COPRS: variants seen among roughly 807,000 people sequenced by gnomAD.
COPRS encodes the protein coordinator of PRMT5 and differentiation stimulator, also known as cooperator of PRMT5.
COPRS carries 11 observed loss-of-function variants against 19.9 expected under a neutral mutation model. The ratio of observed to expected loss-of-function variants is 0.55; its 90% CI spans 0.35 to 0.92. The LOEUF is 0.92. Ranked by LOEUF, COPRS falls within the 40% of genes least tolerant of loss-of-function variation. The pLI is 0.01. For missense variants in COPRS, 225 were observed against 229.9 expected (o/e 0.98, Z 0.14); for synonymous variants, 81 against 82.7 (o/e 0.98, Z 0.11).
Position 31,851,996 on chromosome 17 carries a change from C to G in COPRS, c.*143G>C. On this transcript the variant is annotated 3_prime_UTR_variant, in exon 4 of 4. Transcript: ENST00000302362. ...GAGAATGACGGGGCCTTATTGAACACTGTCAATAAGGAACACTGGTCTGTG... is the reference window on the plus strand; with the variant it reads ...GAGAATGACGGGGCCTTATTGAACAGTGTCAATAAGGAACACTGGTCTGTG... 1.2e-6 allele frequency: 1 copy of G among 854,502 alleles called. No homozygotes were observed. Among genetic ancestry groups the G allele is most frequent in the Non-Finnish European group, 1.8e-6 (1 of 550,952 alleles). 52.9% of individuals were successfully genotyped at this position (854,502 alleles called of 1,614,324 possible).
chr17:31,852,364 T>A, intron 3 of COPRS, 56 bp from the exon 4 acceptor site: 1 of 1,421,004 alleles, frequency 7.0e-7, no homozygotes, highest in African/African-American at 1.4e-5. Flanking sequence ...GGAAGGAAGG[T>A]AAAAACGGAC....
chr17:31,855,157 C>T (rs1909295231), intron 2 of COPRS, among the ~76,000 whole-genome samples: 1 of 151,830 alleles, frequency 6.6e-6, no homozygotes, highest in African/African-American at 2.4e-5. Context: ...GGGCGGATCA[C>T]CTGAGGTCAG....
chr17:31,856,270 G>C (rs924399225), intron 2 of COPRS, among the ~76,000 whole-genome samples: 1 of 152,152 alleles, frequency 6.6e-6, no homozygotes, highest in East Asian at 1.9e-4. Flanking sequence ...GGGAAGCGGA[G>C]GTTGCGGTGA....
At chr17:31,858,889 C>A in intron 1 of COPRS, 2 of 1,527,374 alleles carry the variant, frequency 1.3e-6, no homozygotes, top group Non-Finnish European at 1.8e-6. Context: ...CCCACCCACG[C>A]CCTCGGCTTT....
rs920300011 is a variant in COPRS, at chr17:31,858,777, C to G, written c.99+324G>C. The G allele has an allele frequency of 7.7e-6, 12 of 1,550,478 alleles. No homozygotes were observed. In the Admixed American group the frequency reaches 7.8e-5, roughly 10 times the overall value. The stretch of plus-strand genomic sequence containing the variant: ...CCTCACCTGGCCCTCGCCCAGGCTC[C>G]TGGCAGCGGGCCCCGGCTCTCGGTC... On this transcript the variant is annotated intron_variant, in intron 1 of 3. Coordinates refer to ENST00000302362, the MANE Select transcript of COPRS (RefSeq NM_018405.4).
At position 31,852,024 on chromosome 17, in the gene COPRS, C is replaced by A; in HGVS notation, c.*115G>T. Reference sequence around the variant, plus strand: ...TCAATAAGGAACACTGGTCTGTGTACCCCAGACTAGGGGTCACTGCAAACA... The same window carrying A: ...TCAATAAGGAACACTGGTCTGTGTAACCCAGACTAGGGGTCACTGCAAACA... On this transcript the variant is annotated 3_prime_UTR_variant, in exon 4 of 4. Coordinates refer to ENST00000302362, the MANE Select transcript of COPRS (RefSeq NM_018405.4). 1 of 1,198,292 alleles carries A rather than the reference C, an allele frequency of 8.3e-7. No homozygotes were observed. Among genetic ancestry groups the A allele is most frequent in the Non-Finnish European group, 1.2e-6 (1 of 829,876 alleles). The allele number at this position is 1,198,292 out of a possible 1,614,324, so 74.2% of individuals were successfully genotyped here.
At chr17:31,854,905 G>GGTT (rs1392322230) in intron 2 of COPRS, among the ~76,000 whole-genome samples, 1 of 152,174 alleles carries the variant, frequency 6.6e-6, no homozygotes, top group Non-Finnish European at 1.5e-5. Flanking sequence ...TAGTGGTGAT[G>GGTT]GTTGCACAAC....
Position 31,852,863 on chromosome 17 carries a change from A to C in COPRS, c.334T>G (p.Phe112Val). ...CPPKEQPGDL[F>V]NEDWDSELKA... ...AACTCCGAGTCCCAGTCCTCATTAAAAAGATCGCCAGGCTGTTCCTTGGGT... is the reference window on the plus strand; with the variant it reads ...AACTCCGAGTCCCAGTCCTCATTAACAAGATCGCCAGGCTGTTCCTTGGGT... Residue 112 changes from phenylalanine to valine, a missense_variant, in exon 3 of 4, where the codon TTT becomes GTT. By Grantham distance (50) the Phe-to-Val change is conservative. Transcript: ENST00000302362. 6.2e-7 allele frequency: 1 copy of C among 1,614,206 alleles called. No individual in the cohort carries two copies. The highest frequency in any genetic ancestry group is 8.5e-7 in the Non-Finnish European group (1 of 1,180,036).
intron 2 of COPRS, chr17:31,856,572 A>T (rs1357835847): frequency 1.7e-6 from 1 of 586,204 alleles, no homozygotes; most frequent in Non-Finnish European, 3.0e-6. Flanking sequence ...CACCGTTTCA[A>T]GCTGTTTCTC....
chr17:31,857,788 A>G (rs1183035163), intron 1 of COPRS, among the ~76,000 whole-genome samples: 1 of 152,190 alleles, frequency 6.6e-6, no homozygotes, highest in Non-Finnish European at 1.5e-5. Context: ...GGGACTTATG[A>G]TTAGACACCA....
intron 1 of COPRS, 117 bp from the exon 2 acceptor site, chr17:31,856,982 G>C: frequency 1.4e-6 from 1 of 709,808 alleles, no homozygotes; most frequent in Non-Finnish European, 2.5e-6. Flanking sequence ...TGCAGGGCTG[G>C]GACTCTGCCA....
In COPRS at chr17:31,851,988, A is replaced by T; in HGVS notation, c.*151T>A. 4 of 789,246 alleles carry T rather than the reference A, an allele frequency of 5.1e-6. No homozygotes were observed. The South Asian group carries it at 7.2e-5, about 14-fold the overall frequency. The allele number at this position is 789,246 out of a possible 1,614,324, so 48.9% of individuals were successfully genotyped here. A position where few individuals can be genotyped will look rare whatever the true frequency, so the allele number is the denominator to read the frequency against. On this transcript the variant is annotated 3_prime_UTR_variant, in exon 4 of 4. Coordinates refer to ENST00000302362, the MANE Select transcript of COPRS (RefSeq NM_018405.4). ...AGACTGGCGAGAATGACGGGGCCTT[A>T]TTGAACACTGTCAATAAGGAACACT...
At chr17:31,857,422 C>G (rs2142277544) in intron 1 of COPRS, among the ~76,000 whole-genome samples, 1 of 152,312 alleles carries the variant, frequency 6.6e-6, no homozygotes, top group East Asian at 1.9e-4. Flanking sequence ...AACTTTATAG[C>G]TAGTAAACAA....
chr17:31,854,323 T>C (rs1329961836), intron 2 of COPRS, among the ~76,000 whole-genome samples: 1 of 123,220 alleles, frequency 8.1e-6, no homozygotes, highest in Non-Finnish European at 1.6e-5. Context: ...TGAGCCAAGA[T>C]CGTGCCATTG....
intron 2 of COPRS, 116 bp downstream of exon 2, chr17:31,856,683 G>A (rs1909365557): frequency 1.3e-6 from 1 of 767,118 alleles, no homozygotes; most frequent in African/African-American, 1.7e-5. Context: ...ACTGGGCAGA[G>A]AAGGCCACTA....
intron 2 of COPRS, among the ~76,000 whole-genome samples, chr17:31,854,181 C>T (rs1909250501): frequency 6.6e-6 from 1 of 151,832 alleles, no homozygotes. Context: ...CCAGCCTGAA[C>T]AATGTCGCAA....
rs774193208 is a variant in COPRS, at chr17:31,852,994, G to A, written c.203C>T (p.Ala68Val). ...TTCAGAATGGGTGCCCTCACCCCGG[G>A]CAGGACTGTCATTAGGAATGCTCTG... is the stretch of plus-strand genomic sequence containing the variant. The part of the protein sequence containing the change: ...GTQSIPNDSP[A>V]RGEGTHSEEE... Residue 68 changes from alanine to valine, a missense_variant, in exon 3 of 4, where the codon GCC (alanine) becomes GTC (valine). Physicochemically the swap from Ala to Val is moderately conservative, Grantham distance 64 (BLOSUM62 0). Around this residue, in one of 3 missense-constraint regions of COPRS, gnomAD observed 170 missense variants for 171.4 expected, o/e 0.99. Coordinates refer to ENST00000302362, the MANE Select transcript of COPRS (RefSeq NM_018405.4). 9.3e-6 allele frequency: 15 copies of A among 1,613,828 alleles called. No homozygotes were observed. Among genetic ancestry groups the A allele is most frequent in the Admixed American group, 3.3e-5 (2 of 59,992 alleles).
chr17:31,855,103 C>T (rs906443249), intron 2 of COPRS, among the ~76,000 whole-genome samples: 6 of 152,126 alleles, frequency 3.9e-5, no homozygotes, highest in Non-Finnish European at 7.3e-5. Flanking sequence ...AGGCCAGGCA[C>T]GGTGGCTCAT....
intron 1 of COPRS, chr17:31,858,643 AG>A: frequency 9.2e-7 from 1 of 1,086,332 alleles, no homozygotes; most frequent in Non-Finnish European, 1.3e-6. Context: ...GGTTTCAGTA[AG>A]GAGAAGGGGG....
Sources: allele counts gnomAD v4.1 joint callset (sites outside exome capture counted in the v4.1 genomes callset), GRCh38; gene constraint gnomAD v4.1.1; regional missense constraint gnomAD v4.1.1; transcripts MANE v1.5; gene names NCBI Gene and HGNC (gene_info 2026-07-23, HGNC 2026-07-21).